The following ERG variants were observed in gnomAD, a reference collection of about 807,000 sequenced individuals.
ERG encodes ETS transcription factor ERG.
In ERG, 9 loss-of-function variants were observed where a neutral mutation model predicts 55.3. That is an observed-to-expected ratio of 0.16 (90% CI 0.10 to 0.28). ERG has a LOEUF of 0.28. Ranked by LOEUF, ERG falls within the 10% of genes least tolerant of loss-of-function variation. The probability of loss-of-function intolerance (pLI) is 1.00; values close to 1 mark genes in which losing one functional copy is unlikely to be tolerated. For synonymous variants in ERG, 223 were observed against 237.3 expected (o/e 0.94, Z 0.55); for missense variants, 434 against 631.6 (o/e 0.69, Z 3.35).
intron 1 of ERG, among the ~76,000 whole-genome samples, chr21:38,448,640 A>G (rs2058913825): frequency 6.6e-6 from 1 of 152,210 alleles, no homozygotes; most frequent in South Asian, 2.1e-4. Context: ...TCACAGACCC[A>G]TTCCCACAAC....
intron 1 of ERG, among the ~76,000 whole-genome samples, chr21:38,641,736 A>G (rs1216842863): frequency 6.6e-6 from 1 of 152,254 alleles, no homozygotes; most frequent in African/African-American, 2.4e-5. Flanking sequence ...GTGTGAAAAA[A>G]AAAACAAATT....
rs2146404611 is a variant in ERG at position 38,380,514 on chromosome 21, A to AT, written c.*2888dup. ...CAAATCTCTTGCCAGCAGGAGTAAG[A>AT]TTGTACAGGAGTCTGAGTATACATC... is the stretch of plus-strand genomic sequence containing the variant. On this transcript the variant is annotated 3_prime_UTR_variant, in exon 10 of 10. Transcript: ENST00000288319. 1 of 1,065,738 alleles carries AT rather than the reference A, an allele frequency of 9.4e-7. No homozygotes were observed. The highest frequency in any genetic ancestry group is 4.5e-5 in the South Asian group (1 of 21,982). The allele number at this position is 1,065,738 out of a possible 1,614,324, so 66.0% of individuals were successfully genotyped here. A position where few individuals can be genotyped will look rare whatever the true frequency, so the allele number is the denominator to read the frequency against.
rs2146502809 is a variant in ERG at position 38,423,463 on chromosome 21, T to G, written c.335A>C (p.His112Pro). 1 of 1,614,134 alleles carries G rather than the reference T, an allele frequency of 6.2e-7. No homozygotes were observed. Among genetic ancestry groups the G allele is most frequent in the Non-Finnish European group, 8.5e-7 (1 of 1,180,014 alleles). ...MNYGSYMEEK[H>P]MPPPNMTTNE... ...CGTGGTCATGTTTGGGGGTGGCATG[T>G]GCTTCTCCTCCATGTAGCTGCCGTA... is the stretch of plus-strand genomic sequence containing the variant. The change falls in exon 3 of 10, where the codon CAC becomes CCC. Residue 112 changes from histidine (H) to proline (P), a missense_variant. By Grantham distance (77) the His-to-Pro change is moderately conservative. Coordinates refer to ENST00000288319, the MANE Select transcript of ERG (RefSeq NM_182918.4).
intron 3 of ERG, among the ~76,000 whole-genome samples, chr21:38,422,096 G>A (rs1989570090): frequency 6.6e-6 from 1 of 152,342 alleles, no homozygotes; most frequent in East Asian, 1.9e-4. Context: ...AGGCCAACAG[G>A]AGACTGGCAG....
upstream of ERG, among the ~76,000 whole-genome samples, chr21:38,502,184 A>C (rs111446036): frequency 4.1e-4 from 63 of 152,314 alleles, no homozygotes; most frequent in African/African-American, 6.5e-4. Flanking sequence ...TGCCCTATAC[A>C]TCCCTACAAT....
intron 2 of ERG, among the ~76,000 whole-genome samples, chr21:38,525,561 C>T (rs942044190): frequency 6.6e-6 from 1 of 152,218 alleles, no homozygotes; most frequent in Non-Finnish European, 1.5e-5. Context: ...CGAGCCAAGA[C>T]ACAGAGTTGC....
chr21:38,609,926 G>A lies in ERG; in HGVS notation c.-149-24981C>T, dbSNP rs146753013. ...TTGAATTTGGTCAAAGGCGTTTTTC[G>A]TTTTATTATGACTGGACTTTTGTAT... On this transcript the variant is annotated intron_variant, in intron 1 of 10. Transcript: ENST00000398910. Among the ~76,000 whole-genome samples, 1,281 of 152,310 alleles carry A rather than the reference G, an allele frequency of 8.4e-3. 17 individuals carry two copies. The highest frequency in any genetic ancestry group is 0.028 in the African/African-American group (1,179 of 41,558).
chr21:38,419,516 T>TAC (rs76492704), intron 3 of ERG, among the ~76,000 whole-genome samples: 126,215 of 150,790 alleles, frequency 0.84, 52,888 homozygotes, highest in South Asian at 0.93. Context: ...AAAATACACA[T>TAC]ACACACACAC....
At chr21:38,644,152 GA>G (rs991936933) in intron 1 of ERG, among the ~76,000 whole-genome samples, 2 of 152,210 alleles carry the variant, frequency 1.3e-5, no homozygotes, top group African/African-American at 4.8e-5. Flanking sequence ...GTCAAGCCAG[GA>G]AGAGGAAGAA....
chr21:38,488,150 T>C (rs556278963), intron 1 of ERG, among the ~76,000 whole-genome samples: 1 of 152,248 alleles, frequency 6.6e-6, no homozygotes, highest in South Asian at 2.1e-4. Context: ...GAGAAGTGAT[T>C]GTCTATGAGA....
chr21:38,656,138 G>C (rs1293015819), intron 1 of ERG, among the ~76,000 whole-genome samples: 3 of 152,086 alleles, frequency 2.0e-5, no homozygotes, highest in Non-Finnish European at 4.4e-5. Flanking sequence ...GGCTGGAGGG[G>C]GGTTCCAGGG....
downstream of ERG, among the ~76,000 whole-genome samples, chr21:38,377,973 T>A (rs1987287971): frequency 6.6e-6 from 1 of 152,222 alleles, no homozygotes; most frequent in Non-Finnish European, 1.5e-5. Flanking sequence ...CTTCTCACCA[T>A]TCACCTGGGC....
At chr21:38,576,097 G>A (rs538810435) in intron 1 of ERG, among the ~76,000 whole-genome samples, 1 of 152,332 alleles carries the variant, frequency 6.6e-6, no homozygotes, top group Non-Finnish European at 1.5e-5. Context: ...CTAAAACAGG[G>A]CATACTTCTC....
At chr21:38,501,090 C>T (rs571414961), upstream of ERG, among the ~76,000 whole-genome samples, 6 of 100,894 alleles carry the variant, frequency 5.9e-5, no homozygotes, top group Admixed American at 4.2e-4. Flanking sequence ...TTTTTTGGGA[C>T]GGAATCTTGC....
intron 1 of ERG, chr21:38,451,134 G>C (rs1373029683): frequency 2.1e-6 from 1 of 483,398 alleles, no homozygotes; most frequent in Non-Finnish European, 4.1e-6. Flanking sequence ...GACAGAGAGA[G>C]AGAGGCTGGT....
chr21:38,393,113 G>A (rs1988053008), intron 6 of ERG, among the ~76,000 whole-genome samples: 1 of 152,096 alleles, frequency 6.6e-6, no homozygotes, highest in African/African-American at 2.4e-5. Flanking sequence ...TGAATTACAG[G>A]ACTGAAATAG....
At chr21:38,534,728 C>G (rs2059696963) in intron 2 of ERG, among the ~76,000 whole-genome samples, 1 of 151,976 alleles carries the variant, frequency 6.6e-6, no homozygotes, top group Non-Finnish European at 1.5e-5. Flanking sequence ...GGTATATATT[C>G]AAAAAAATTT....
At chr21:38,565,273 CT>C (rs2059916059) in intron 2 of ERG, among the ~76,000 whole-genome samples, 1 of 152,196 alleles carries the variant, frequency 6.6e-6, no homozygotes. Flanking sequence ...CTTGGTCCCC[CT>C]CTAGACTGTT....
rs544670728 is a variant in ERG, at chr21:38,528,700, G to A, written c.-41+46962C>T. 5.6e-3 allele frequency among the ~76,000 whole-genome samples: 225 copies of A among 40,184 alleles called. 72 individuals are homozygous for A. In the Middle Eastern group the frequency reaches 0.15, roughly 27 times the overall value. 26.4% of individuals were successfully genotyped at this position (40,184 alleles called of 152,430 possible). On this transcript the variant is annotated intron_variant, in intron 2 of 8. Coordinates refer to the ERG transcript ENST00000398897. ...CCTGACCTCATGATCCACCCGCCTC[G>A]GCCTCCCAAAGTGCTGGGATTACAG...
Sources: gnomAD v4.1 joint callset for allele counts (sites outside exome capture counted in the v4.1 genomes callset) on GRCh38, gnomAD v4.1.1 for gene constraint, MANE v1.5 for transcripts, NCBI Gene and HGNC (gene_info 2026-07-23, HGNC 2026-07-21) for gene names.